Variants in OR51G2 observed in about 807,000 individuals in gnomAD.
OR51G2 encodes olfactory receptor family 51 subfamily G member 2.
OR51G2 carries 13 observed loss-of-function variants against 11.8 expected under a neutral mutation model. That is an observed-to-expected ratio of 1.10 (90% confidence interval 0.72 to 1.76). The LOEUF (loss-of-function observed/expected upper bound fraction) is 1.76. OR51G2 is among the 40% of genes most tolerant of loss of function. The probability of loss-of-function intolerance (pLI) is 0.00; values close to 1 mark genes in which losing one functional copy is unlikely to be tolerated. For missense variants in OR51G2, 474 were observed against 394.4 expected (o/e 1.20, Z -1.71); for synonymous variants, 178 against 151.9 (o/e 1.17, Z -1.26).
At chr11:4,917,959 C>T (rs773192686) in intron 1 of OR51G2, among the ~76,000 whole-genome samples, 8 of 146,494 alleles carry the variant, frequency 5.5e-5, no homozygotes, top group Non-Finnish European at 1.0e-4. Context: ...AAACCTAAGG[C>T]GGAAAATATT....
In OR51G2 at chr11:4,913,936, G is replaced by C. The variant is rs1266869757; in HGVS notation, c.*783C>G. ...TGCTCCCTTCCCCCAGCTAGGGGAA[G>C]ACAACTCCCAAACCAATTTCTTTTT... On this transcript the variant is annotated 3_prime_UTR_variant, in exon 2 of 2. Transcript: ENST00000641926. 3 of 152,176 alleles carry C rather than the reference G, an allele frequency of 2.0e-5. No homozygotes were observed. The highest frequency in any genetic ancestry group is 7.2e-5 in the African/African-American group (3 of 41,448). The allele number at this position is 152,176 out of a possible 1,614,324, so 9.4% of individuals were successfully genotyped here.
intron 1 of OR51G2, among the ~76,000 whole-genome samples, chr11:4,916,374 C>G (rs1281214861): frequency 6.8e-6 from 1 of 146,470 alleles, no homozygotes. Flanking sequence ...TTAACTTTGC[C>G]TGCCTCTTAC....
rs1054059457 is a variant in OR51G2, at chr11:4,913,477, C to G, written c.*1242G>C. The G allele has an allele frequency of 5.3e-5, 8 of 152,184 alleles. No individual in the cohort carries two copies. Among genetic ancestry groups the G allele is most frequent in the African/African-American group, 1.9e-4 (8 of 41,438 alleles). 9.4% of individuals were successfully genotyped at this position (152,184 alleles called of 1,614,324 possible). A position where few individuals can be genotyped will look rare whatever the true frequency, so the allele number is the denominator to read the frequency against. On this transcript the variant is annotated 3_prime_UTR_variant, in exon 2 of 2. Coordinates refer to ENST00000641926, the MANE Select transcript of OR51G2 (RefSeq NM_001005238.2). Reference sequence around the variant, plus strand: ...CTTGGCAATATCACATTCAAGCTTGCTTTCCTCACAGTTACCTCCAAGCCC... The same window carrying G: ...CTTGGCAATATCACATTCAAGCTTGGTTTCCTCACAGTTACCTCCAAGCCC...
In OR51G2 at chr11:4,912,610, C is replaced by T. The variant is rs1851008205; in HGVS notation, c.*2109G>A. Reference sequence around the variant, plus strand: ...TAGGCCTTTTGCATGTTAATACACACAATTCACATATACACATTGTAAAAA... The same window carrying T: ...TAGGCCTTTTGCATGTTAATACACATAATTCACATATACACATTGTAAAAA... On this transcript the variant is annotated 3_prime_UTR_variant, in exon 2 of 2. Coordinates refer to ENST00000641926, the MANE Select transcript of OR51G2 (RefSeq NM_001005238.2). 6.6e-6 allele frequency: 1 copy of T among 152,094 alleles called. No homozygotes were observed. Among genetic ancestry groups the T allele is most frequent in the African/African-American group, 2.4e-5 (1 of 41,404 alleles). The allele number at this position is 152,094 out of a possible 1,614,324, so 9.4% of individuals were successfully genotyped here.
chr11:4,915,001 G>A lies in OR51G2; in HGVS notation c.663C>T (p.Phe221=), dbSNP rs199518507. The A allele has an allele frequency of 9.9e-6, 16 of 1,614,130 alleles. No individual in the cohort carries two copies. The Admixed American group carries it at 2.2e-4, about 22-fold the overall frequency. ...CGGTGCGCAGGATCAGAGCATAAGAGAAGAGGATGAGCAGTGAGTCTATAC... is the reference window on the plus strand; with the variant it reads ...CGGTGCGCAGGATCAGAGCATAAGAAAAGAGGATGAGCAGTGAGTCTATAC... ...TVGIDSLLIL[F]SYALILRTVL... The change falls in exon 2 of 2, where the codon TTC becomes TTT. Residue 221 remains phenylalanine, a synonymous_variant. Transcript: ENST00000641926.
At position 4,914,914 on chromosome 11, in the gene OR51G2, G is replaced by A; in HGVS notation, c.750C>T (p.Ile250=). The A allele has an allele frequency of 6.2e-7, 1 of 1,614,142 alleles. No individual in the cohort carries two copies. The highest frequency in any genetic ancestry group is 1.1e-5 in the South Asian group (1 of 91,076). The change falls in exon 2 of 2, where the codon ATC becomes ATT. Residue 250 remains isoleucine (I), a synonymous_variant. Coordinates refer to ENST00000641926, the MANE Select transcript of OR51G2 (RefSeq NM_001005238.2). The part of the protein sequence containing the change: ...FKALNTCVSH[I]CAVLLFYTPM... ...GAGTGTAGAAGAGCAGCACAGCACAGATGTGGGAAACACAGGTGTTAAGGG... is the reference window on the plus strand; with the variant it reads ...GAGTGTAGAAGAGCAGCACAGCACAAATGTGGGAAACACAGGTGTTAAGGG...
rs181262895 is a variant in OR51G2, at chr11:4,915,682, G to T, written c.-19C>A. 1.3e-5 allele frequency: 21 copies of T among 1,582,886 alleles called. No individual in the cohort carries two copies. Among genetic ancestry groups the T allele is most frequent in the Non-Finnish European group, 1.6e-5 (19 of 1,159,304 alleles). On this transcript the variant is annotated 5_prime_UTR_variant, in exon 2 of 2. Coordinates refer to ENST00000641926, the MANE Select transcript of OR51G2 (RefSeq NM_001005238.2). ...GGGTCATTGTGTGAGGAGACAAGGG[G>T]GAAGGTGGGTGCCCTCCAAAATCCT... is the stretch of plus-strand genomic sequence containing the variant.
chr11:4,914,941 C>A lies in OR51G2; in HGVS notation c.723G>T (p.Lys241Asn). The A allele has an allele frequency of 6.2e-7, 1 of 1,614,062 alleles. No individual in the cohort carries two copies. Residue 241 changes from lysine to asparagine, a missense_variant, in exon 2 of 2, where the codon AAG (lysine) becomes AAT (asparagine). Coordinates refer to ENST00000641926, the MANE Select transcript of OR51G2 (RefSeq NM_001005238.2). ...LSIASRAERF[K>N]ALNTCVSHIC... ...TGTGGGAAACACAGGTGTTAAGGGC[C>A]TTGAATCTCTCAGCCCTGGAGGCGA...
Position 4,915,721 on chromosome 11 carries a change from GCAGTA to G in OR51G2, c.-63_-59del. ...CTCCAAAATCCTGAAGTAAATTGAG[GCAGTA>G]CTGGTGATTGCACCTGGTGGAAATT... On this transcript the variant is annotated 5_prime_UTR_variant, in exon 2 of 2. Coordinates refer to ENST00000641926, the MANE Select transcript of OR51G2 (RefSeq NM_001005238.2). The G allele has an allele frequency of 1.6e-6, 2 of 1,214,158 alleles. No individual in the cohort carries two copies. Among genetic ancestry groups the G allele is most frequent in the South Asian group, 2.7e-5 (2 of 73,228 alleles). 75.2% of individuals were successfully genotyped at this position (1,214,158 alleles called of 1,614,324 possible).
chr11:4,917,960 G>A (rs760551458), intron 1 of OR51G2, among the ~76,000 whole-genome samples: 13 of 148,138 alleles, frequency 8.8e-5, no homozygotes, highest in South Asian at 6.5e-4. Context: ...AACCTAAGGC[G>A]GAAAATATTT....
chr11:4,915,719 A>T lies in OR51G2; in HGVS notation c.-56T>A. On this transcript the variant is annotated 5_prime_UTR_variant, in exon 2 of 2. Coordinates refer to ENST00000641926, the MANE Select transcript of OR51G2 (RefSeq NM_001005238.2). ...CCCTCCAAAATCCTGAAGTAAATTG[A>T]GGCAGTACTGGTGATTGCACCTGGT... 1 of 1,237,548 alleles carries T rather than the reference A, an allele frequency of 8.1e-7. No homozygotes were observed. The highest frequency in any genetic ancestry group is 1.2e-6 in the Non-Finnish European group (1 of 866,922). The allele number at this position is 1,237,548 out of a possible 1,614,324, so 76.7% of individuals were successfully genotyped here.
rs562274721 is a variant in OR51G2, at chr11:4,919,256, G to T, written c.-156C>A. 9.2e-5 allele frequency: 14 copies of T among 152,192 alleles called. No homozygotes were observed. Among genetic ancestry groups the T allele is most frequent in the African/African-American group, 3.4e-4 (14 of 41,386 alleles). The allele number at this position is 152,192 out of a possible 1,614,324, so 9.4% of individuals were successfully genotyped here. On this transcript the variant is annotated 5_prime_UTR_variant, in exon 1 of 2. The change creates a new upstream start codon in the 5' untranslated region. Transcript: ENST00000641926. ...TTTCTCTCTCCAAAGCTCGGGCTCA[G>T]CCTTCTGGGATCTTTTCTTGGCTCT... is the stretch of plus-strand genomic sequence containing the variant.
At position 4,915,344 on chromosome 11, in the gene OR51G2, AAG is replaced by A; in HGVS notation, c.318_319del (p.Phe108HisfsTer18). On this transcript the variant is annotated frameshift_variant, in exon 2 of 2. Coordinates refer to ENST00000641926, the MANE Select transcript of OR51G2 (RefSeq NM_001005238.2). LOFTEE classifies it high-confidence loss of function. The stretch of plus-strand genomic sequence containing the variant: ...GAGGAAGGAGAAGCAGTGAATGAAA[AAG>A]AGCTGAGCAAAGCAGGCATCATGGC... The A allele has an allele frequency of 5.0e-6, 8 of 1,614,022 alleles. No individual in the cohort carries two copies. Among genetic ancestry groups the A allele is most frequent in the Non-Finnish European group, 6.8e-6 (8 of 1,179,996 alleles).
At chr11:4,917,585 T>G (rs1231020110) in intron 1 of OR51G2, among the ~76,000 whole-genome samples, 5 of 152,212 alleles carry the variant, frequency 3.3e-5, no homozygotes, top group Non-Finnish European at 5.9e-5. Context: ...ACTGTCCACC[T>G]GAAGATCATA....
Position 4,913,969 on chromosome 11 carries a change from AG to A in OR51G2, c.*749del, listed in dbSNP as rs1212889613. ...CCAAACCAATTTCTTTTTTCTTTGAAGAATACAATTAACATGTGATTGTATA... is the reference window on the plus strand; with the variant it reads ...CCAAACCAATTTCTTTTTTCTTTGAAAATACAATTAACATGTGATTGTATA... On this transcript the variant is annotated 3_prime_UTR_variant, in exon 2 of 2. Transcript: ENST00000641926. The A allele has an allele frequency of 2.6e-5, 4 of 152,238 alleles. No homozygotes were observed. The highest frequency in any genetic ancestry group is 9.6e-5 in the African/African-American group (4 of 41,462). The allele number at this position is 152,238 out of a possible 1,614,324, so 9.4% of individuals were successfully genotyped here.
chr11:4,917,665 A>C (rs563315778), intron 1 of OR51G2, among the ~76,000 whole-genome samples: 1 of 152,306 alleles, frequency 6.6e-6, no homozygotes, highest in African/African-American at 2.4e-5. Flanking sequence ...TACATATCAA[A>C]GTGAATTCAG....
At chr11:4,917,147 G>T (rs531039266) in intron 1 of OR51G2, among the ~76,000 whole-genome samples, 694 of 60,178 alleles carry the variant, frequency 0.012, 8 homozygotes, top group African/African-American at 0.045. Flanking sequence ...CAGATGCCAA[G>T]AATGTTTTTT....
At chr11:4,918,264 C>T (rs748877351) in intron 1 of OR51G2, among the ~76,000 whole-genome samples, 3 of 152,004 alleles carry the variant, frequency 2.0e-5, no homozygotes, top group Admixed American at 2.0e-4. Context: ...TTTTGGTTAA[C>T]GAATCCCAGC....
intron 1 of OR51G2, 146 bp from the exon 2 acceptor site, chr11:4,915,885 C>T (rs1393119408): frequency 2.0e-6 from 1 of 497,322 alleles, no homozygotes; most frequent in African/African-American, 1.9e-5. Flanking sequence ...GAAGCAAAGA[C>T]ATGGAATTGT....
Sources: allele counts gnomAD v4.1 joint callset (sites outside exome capture counted in the v4.1 genomes callset), GRCh38; gene constraint gnomAD v4.1.1; transcripts MANE v1.5; gene names NCBI Gene and HGNC (gene_info 2026-07-23, HGNC 2026-07-21).